Variants in MCTP1 observed in about 807,000 individuals in gnomAD.
The protein encoded by MCTP1 is multiple C2 and transmembrane domain-containing protein 1.
Under a neutral mutation model 120.6 loss-of-function variants are expected in MCTP1, and 69 were observed. That is an observed-to-expected ratio of 0.57 (90% CI 0.47 to 0.70). The LOEUF is 0.70. Ranked by LOEUF, MCTP1 falls within the 30% of genes least tolerant of loss-of-function variation. The pLI, the probability that MCTP1 is intolerant of heterozygous loss-of-function variation, is 0.00. For missense variants in MCTP1, 1,203 were observed against 1,248.8 expected (o/e 0.96, Z 0.55); for synonymous variants, 529 against 493.1 (o/e 1.07, Z -0.96).
rs554887788 is a variant in MCTP1, at chr5:95,183,025, C to CAAA, written c.720+100828_720+100830dup. ...TGGGTGATAGAGCAAGACTCCGTCT[C>CAAA]AAAAAAAAAAAAAAAAAGAATATTA... On this transcript the variant is annotated intron_variant, in intron 1 of 22. Coordinates refer to ENST00000515393, the MANE Select transcript of MCTP1 (RefSeq NM_024717.7). Among the ~76,000 whole-genome samples the CAAA allele has an allele frequency of 3.3e-3, 334 of 102,394 alleles. 3 individuals carry two copies. The highest frequency in any genetic ancestry group is 0.012 in the African/African-American group (303 of 26,346). 67.2% of individuals were successfully genotyped at this position (102,394 alleles called of 152,430 possible).
At chr5:94,826,185 T>C in intron 17 of MCTP1, 1 of 397,176 alleles carries the variant, frequency 2.5e-6, no homozygotes, top group Non-Finnish European at 4.8e-6. Flanking sequence ...ATCAAAGCAT[T>C]ATCTGTCCAA....
intron 18 of MCTP1, among the ~76,000 whole-genome samples, chr5:94,796,555 A>G (rs1431209681): frequency 2.9e-5 from 4 of 140,098 alleles, no homozygotes; most frequent in Non-Finnish European, 4.6e-5. Context: ...ATTCGTATAT[A>G]TGTGTGTGTG....
intron 1 of MCTP1, among the ~76,000 whole-genome samples, chr5:95,244,302 A>G (rs540329487): frequency 6.6e-6 from 1 of 152,334 alleles, no homozygotes; most frequent in African/African-American, 2.4e-5. Flanking sequence ...CAACTGAGGT[A>G]CCTGGTTCAT....
At chr5:95,126,888 A>G (rs1758673511) in intron 1 of MCTP1, among the ~76,000 whole-genome samples, 1 of 152,208 alleles carries the variant, frequency 6.6e-6, no homozygotes, top group Non-Finnish European at 1.5e-5. Context: ...ATAAAAGCAA[A>G]TCTATTTTCC....
intron 1 of MCTP1, among the ~76,000 whole-genome samples, chr5:95,061,426 T>TTTGAGACGGAGTC (rs1749142767): frequency 2.3e-5 from 1 of 42,628 alleles, no homozygotes; most frequent in Non-Finnish European, 4.9e-5. Context: ...TTTTTTTTTT[T>TTTGAGACGGAGTC]TTTTTTTTTT....
At chr5:94,929,064 A>G (rs1198221532) in intron 6 of MCTP1, among the ~76,000 whole-genome samples, 1 of 152,216 alleles carries the variant, frequency 6.6e-6, no homozygotes, top group East Asian at 1.9e-4. Context: ...AATGACGAGT[A>G]GATGCTTAAG....
intron 1 of MCTP1, chr5:95,166,302 A>G (rs1433058886): frequency 6.6e-6 from 1 of 152,152 alleles, no homozygotes; most frequent in Admixed American, 6.5e-5. Context: ...GAGTTCTCCA[A>G]TCAAGGGAGC....
intron 10 of MCTP1, among the ~76,000 whole-genome samples, chr5:94,896,532 A>G (rs947448659): frequency 3.9e-5 from 6 of 151,944 alleles, no homozygotes; most frequent in African/African-American, 7.3e-5. Flanking sequence ...TTCTATGCCC[A>G]TTACCACTTT....
At chr5:95,027,699 C>T (rs917850682) in intron 1 of MCTP1, among the ~76,000 whole-genome samples, 4 of 152,168 alleles carry the variant, frequency 2.6e-5, no homozygotes, top group African/African-American at 7.2e-5. Flanking sequence ...GCCTGAAGTA[C>T]GTCTGGGAGC....
Position 94,982,012 on chromosome 5 carries a change from A to G in MCTP1, c.839-28651T>C, listed in dbSNP as rs375732067. Among the ~76,000 whole-genome samples the G allele has an allele frequency of 6.4e-4, 98 of 152,332 alleles. No homozygotes were observed. In the East Asian group the frequency reaches 0.012, roughly 18 times the overall value. ...CGTTCTTTGATCAGGGAATATACCT[A>G]TAACAGAAAAACAGAATGTACTTAA... On this transcript the variant is annotated intron_variant, in intron 2 of 22. Transcript: ENST00000515393.
intron 1 of MCTP1, among the ~76,000 whole-genome samples, chr5:95,226,795 T>G (rs1004670257): frequency 2.0e-5 from 3 of 152,172 alleles, no homozygotes; most frequent in African/African-American, 7.2e-5. Context: ...TTAAACTATG[T>G]TGATATCAAG....
At chr5:94,918,073 A>G in intron 7 of MCTP1, 100 bp from the exon 8 acceptor site, 1 of 819,322 alleles carries the variant, frequency 1.2e-6, no homozygotes, top group Non-Finnish European at 2.0e-6. Flanking sequence ...AGAAAACATT[A>G]TTTGAGAAAA....
intron 19 of MCTP1, among the ~76,000 whole-genome samples, chr5:94,733,820 C>T (rs868832336): frequency 6.6e-4 from 101 of 151,886 alleles, no homozygotes; most frequent in Non-Finnish European, 9.6e-4. Flanking sequence ...AAAAATTAGC[C>T]GGGCGTGGTG....
At chr5:95,162,134 T>C (rs935496312) in intron 1 of MCTP1, among the ~76,000 whole-genome samples, 1 of 152,194 alleles carries the variant, frequency 6.6e-6, no homozygotes, top group African/African-American at 2.4e-5. Context: ...ACTGAGACGA[T>C]AAGTAGGCTA....
intron 1 of MCTP1, among the ~76,000 whole-genome samples, chr5:95,043,244 CTA>C (rs1842641834): frequency 7.2e-5 from 11 of 152,164 alleles, no homozygotes; most frequent in Non-Finnish European, 1.5e-4. Context: ...ATTTGCATTT[CTA>C]AAACATTTTA....
intron 1 of MCTP1, among the ~76,000 whole-genome samples, chr5:95,221,056 T>A (rs1014604776): frequency 1.3e-5 from 2 of 152,186 alleles, no homozygotes; most frequent in Non-Finnish European, 2.9e-5. Context: ...ATGACTTTTT[T>A]AAAGAGTGTC....
chr5:95,100,135 AG>A (rs1756616740), intron 1 of MCTP1, among the ~76,000 whole-genome samples: 1 of 76,600 alleles, frequency 1.3e-5, no homozygotes, highest in Admixed American at 2.0e-4. Flanking sequence ...GGGTGGGGGG[AG>A]GGGGGAGGGA....
At chr5:94,872,043 T>C (rs928984132) in intron 13 of MCTP1, among the ~76,000 whole-genome samples, 1 of 152,102 alleles carries the variant, frequency 6.6e-6, no homozygotes, top group African/African-American at 2.4e-5. Context: ...AGACAACATA[T>C]GTTAATAAAC....
chr5:95,281,640 A>G (rs551840851), intron 1 of MCTP1, among the ~76,000 whole-genome samples: 1 of 152,350 alleles, frequency 6.6e-6, no homozygotes, highest in South Asian at 2.1e-4. Flanking sequence ...TTTTTGAAAG[A>G]TATTTTAGCT....
Sources: gnomAD v4.1 joint callset for allele counts (sites outside exome capture counted in the v4.1 genomes callset) on GRCh38, gnomAD v4.1.1 for gene constraint, MANE v1.5 for transcripts, NCBI Gene and HGNC (gene_info 2026-07-23, HGNC 2026-07-21) for gene names.